The following DPP10 variants were observed in gnomAD, a reference collection of about 807,000 sequenced individuals.
DPP10 encodes inactive dipeptidyl peptidase 10.
A neutral mutation model predicts 120.9 loss-of-function variants in DPP10; 33 were observed. The observed-to-expected ratio is 0.27, with a 90% CI of 0.21 to 0.37. DPP10 has a LOEUF of 0.37. Ranked by LOEUF, DPP10 falls within the 10% of genes least tolerant of loss-of-function variation. The pLI is 1.00. For missense variants in DPP10, 816 were observed against 942.8 expected (o/e 0.87, Z 1.76); for synonymous variants, 337 against 326.1 (o/e 1.03, Z -0.36).
intron 2 of DPP10, among the ~76,000 whole-genome samples, chr2:115,329,996 C>A (rs553392071): frequency 6.6e-6 from 1 of 152,216 alleles, no homozygotes; most frequent in East Asian, 1.9e-4. Flanking sequence ...AGTTCTAGAT[C>A]CTTGAGGAAT....
intron 3 of DPP10, among the ~76,000 whole-genome samples, chr2:115,411,347 A>T (rs1311347592): frequency 6.6e-6 from 1 of 151,940 alleles, no homozygotes; most frequent in Non-Finnish European, 1.5e-5. Flanking sequence ...AAAAGGAGAG[A>T]AAAAAAAGAA....
chr2:115,479,086 A>G (rs1045039262), intron 3 of DPP10, among the ~76,000 whole-genome samples: 2 of 152,202 alleles, frequency 1.3e-5, no homozygotes, highest in Non-Finnish European at 2.9e-5. Flanking sequence ...GCACGGTCTT[A>G]AAGAGATTTT....
intron 1 of DPP10, among the ~76,000 whole-genome samples, chr2:114,522,042 G>C (rs1189718450): frequency 3.0e-5 from 4 of 135,046 alleles, no homozygotes; most frequent in African/African-American, 2.7e-5. Flanking sequence ...TGCAGTGGCG[G>C]GATCTCGGCT....
chr2:115,449,867 A>G (rs2072957699), intron 3 of DPP10, among the ~76,000 whole-genome samples: 1 of 152,072 alleles, frequency 6.6e-6, no homozygotes, highest in Non-Finnish European at 1.5e-5. Flanking sequence ...AGTTACAAAT[A>G]TGTATAGTAA....
At chr2:114,527,269 C>T (rs1558846006) in intron 1 of DPP10, among the ~76,000 whole-genome samples, 1 of 151,940 alleles carries the variant, frequency 6.6e-6, no homozygotes, top group Non-Finnish European at 1.5e-5. Flanking sequence ...TCAATAATTC[C>T]CTCTATCTCT....
chr2:114,992,752 G>A (rs1700822108), intron 1 of DPP10, among the ~76,000 whole-genome samples: 1 of 152,134 alleles, frequency 6.6e-6, no homozygotes. Context: ...GGAGAAAATA[G>A]TCAAAAAGAG....
At chr2:115,680,244 CTCAGTT>C (rs1399467159) in intron 5 of DPP10, among the ~76,000 whole-genome samples, 1 of 151,782 alleles carries the variant, frequency 6.6e-6, no homozygotes, top group Non-Finnish European at 1.5e-5. Context: ...TAATATGCTT[CTCAGTT>C]TAACTAGAAT....
intron 1 of DPP10, among the ~76,000 whole-genome samples, chr2:114,611,127 G>T (rs1272615843): frequency 2.0e-5 from 3 of 152,056 alleles, no homozygotes; most frequent in African/African-American, 7.2e-5. Flanking sequence ...TTTTGAAAGA[G>T]AACCCGTAGG....
intron 1 of DPP10, among the ~76,000 whole-genome samples, chr2:114,854,914 A>G (rs1266405264): frequency 6.6e-6 from 1 of 152,236 alleles, no homozygotes. Context: ...GTGCATTTAT[A>G]GAACCTTGTC....
chr2:114,525,322 G>T (rs1558844103), intron 1 of DPP10, among the ~76,000 whole-genome samples: 1 of 152,122 alleles, frequency 6.6e-6, no homozygotes, highest in South Asian at 2.1e-4. Flanking sequence ...TACACATTTG[G>T]TAAAGAGGCC....
rs149380402 is a variant in DPP10, at chr2:114,477,875, A to G, written c.60+35037A>G. On this transcript the variant is annotated intron_variant, in intron 1 of 25. Coordinates refer to ENST00000410059, the MANE Select transcript of DPP10 (RefSeq NM_020868.6). Reference sequence around the variant, plus strand: ...TATAAATATATGTATATATGTACATATATGTGTATATATGTACATATGTGT... The same window carrying G: ...TATAAATATATGTATATATGTACATGTATGTGTATATATGTACATATGTGT... 5.8e-3 allele frequency among the ~76,000 whole-genome samples: 858 copies of G among 148,696 alleles called. 8 individuals carry two copies. Among genetic ancestry groups the G allele is most frequent in the African/African-American group, 0.019 (785 of 40,480 alleles).
intron 5 of DPP10, among the ~76,000 whole-genome samples, chr2:115,679,625 A>AC (rs1329773203): frequency 6.6e-6 from 1 of 152,260 alleles, no homozygotes; most frequent in Non-Finnish European, 1.5e-5. Context: ...GAATTAAAAA[A>AC]TTGTGGTATA....
At chr2:115,796,645 G>C (rs1258414570) in intron 19 of DPP10, among the ~76,000 whole-genome samples, 1 of 152,038 alleles carries the variant, frequency 6.6e-6, no homozygotes, top group Non-Finnish European at 1.5e-5. Context: ...GCTGAATATT[G>C]ATTGATTTTC....
chr2:115,568,837 G>A (rs1006240713), intron 5 of DPP10, among the ~76,000 whole-genome samples: 17 of 152,124 alleles, frequency 1.1e-4, no homozygotes, highest in African/African-American at 3.4e-4. Context: ...TTTTAATAAT[G>A]TTGAGTCAGC....
chr2:115,340,877 A>T (rs2063409488), intron 2 of DPP10, among the ~76,000 whole-genome samples: 1 of 152,074 alleles, frequency 6.6e-6, no homozygotes, highest in Non-Finnish European at 1.5e-5. Context: ...ATGTAAATTT[A>T]TTGTATCAAA....
At chr2:115,822,871 G>A (rs1687947117) in intron 21 of DPP10, among the ~76,000 whole-genome samples, 1 of 151,710 alleles carries the variant, frequency 6.6e-6, no homozygotes, top group Non-Finnish European at 1.5e-5. Flanking sequence ...TGCTTCTATA[G>A]TCCAATAATT....
chr2:115,132,453 C>G (rs950838285), intron 1 of DPP10, among the ~76,000 whole-genome samples: 1 of 152,134 alleles, frequency 6.6e-6, no homozygotes, highest in Non-Finnish European at 1.5e-5. Context: ...CAAAATATGT[C>G]AAAGAAATAT....
At chr2:114,969,153 G>A (rs1393430175) in intron 1 of DPP10, among the ~76,000 whole-genome samples, 1 of 152,094 alleles carries the variant, frequency 6.6e-6, no homozygotes. Context: ...AAAAATTTTG[G>A]TGTAGTTTCA....
intron 5 of DPP10, among the ~76,000 whole-genome samples, chr2:115,543,522 C>G (rs1389424603): frequency 2.6e-5 from 4 of 151,924 alleles, no homozygotes; most frequent in Non-Finnish European, 4.4e-5. Context: ...TTGCTAAATA[C>G]TAGATATTTG....
Sources: gnomAD v4.1 joint callset for allele counts (sites outside exome capture counted in the v4.1 genomes callset) on GRCh38, gnomAD v4.1.1 for gene constraint, MANE v1.5 for transcripts, NCBI Gene and HGNC (gene_info 2026-07-23, HGNC 2026-07-21) for gene names.